Variants in DHTKD1 observed in about 807,000 individuals in gnomAD.
DHTKD1 encodes 2-oxoadipate dehydrogenase complex component E1.
DHTKD1 carries 78 observed loss-of-function variants against 101.8 expected under a neutral mutation model. The observed-to-expected ratio is 0.77, with a 90% CI of 0.64 to 0.93. DHTKD1 has a LOEUF of 0.93. Among genes scored for constraint, DHTKD1 ranks in the 40% least tolerant of loss-of-function variants. DHTKD1 has a pLI of 0.00. For synonymous variants in DHTKD1, 462 were observed against 450.3 expected, an observed-to-expected ratio of 1.03 and a Z score of -0.33; for missense variants, 1,223 against 1,161.7, an observed-to-expected ratio of 1.05 and a Z score of -0.77.
intron 11 of DHTKD1, among the ~76,000 whole-genome samples, chr10:12,106,921 C>G (rs961928017): frequency 4.6e-5 from 7 of 152,118 alleles, no homozygotes; most frequent in African/African-American, 1.7e-4. Flanking sequence ...GCCCACCACC[C>G]CCTGTTTCAA....
At chr10:12,100,297 T>TG in intron 9 of DHTKD1, 35 bp downstream of exon 9, 1 of 900,966 alleles carries the variant, frequency 1.1e-6, no homozygotes. Flanking sequence ...GTTTTTTTTT[T>TG]TTTTGAGTCT....
chr10:12,071,537 C>T (rs993438759), intron 1 of DHTKD1, among the ~76,000 whole-genome samples: 8 of 152,094 alleles, frequency 5.3e-5, no homozygotes, highest in Admixed American at 1.3e-4. Context: ...TTTGGGAGGC[C>T]GAGGTGGGCG....
intron 7 of DHTKD1, among the ~76,000 whole-genome samples, chr10:12,094,829 A>G (rs1306852867): frequency 6.7e-6 from 1 of 149,740 alleles, no homozygotes; most frequent in Non-Finnish European, 1.5e-5. Flanking sequence ...TAGTACAGAC[A>G]GGGGTTTCGC....
At chr10:12,117,777 T>C in intron 14 of DHTKD1, 22 bp downstream of exon 14, 1 of 1,406,486 alleles carries the variant, frequency 7.1e-7, no homozygotes, top group South Asian at 1.2e-5. Flanking sequence ...ATCTCTGTTT[T>C]CATATTCTGT....
intron 12 of DHTKD1, among the ~76,000 whole-genome samples, chr10:12,108,288 A>T (rs1049433163): frequency 7.3e-5 from 11 of 150,620 alleles, no homozygotes; most frequent in Non-Finnish European, 1.5e-4. Flanking sequence ...TTTTATTTTT[A>T]TTTTTTTTTG....
chr10:12,105,876 C>T (rs1750730738), intron 10 of DHTKD1, among the ~76,000 whole-genome samples: 2 of 152,090 alleles, frequency 1.3e-5, no homozygotes, highest in Admixed American at 1.3e-4. Flanking sequence ...GGGTGGATCA[C>T]CTGAGCTCAG....
chr10:12,106,507 G>A lies in DHTKD1; in HGVS notation c.2047+111G>A, dbSNP rs1340208221. The A allele has an allele frequency of 3.3e-5, 46 of 1,373,968 alleles. 1 individual carries two copies. Among genetic ancestry groups the A allele is most frequent in the Non-Finnish European group, 4.1e-5 (40 of 983,382 alleles). The allele number at this position is 1,373,968 out of a possible 1,614,324, so 85.1% of individuals were successfully genotyped here. A position where few individuals can be genotyped will look rare whatever the true frequency, so the allele number is the denominator to read the frequency against. On this transcript the variant is annotated intron_variant, in intron 11 of 16. Coordinates refer to ENST00000263035, the MANE Select transcript of DHTKD1 (RefSeq NM_018706.7). Reference sequence around the variant, plus strand: ...CTGCTGCCTTGAGACTCCCGTGTGCGGCGGCGCCTCCAGGGAGTTGGGGTC... The same window carrying A: ...CTGCTGCCTTGAGACTCCCGTGTGCAGCGGCGCCTCCAGGGAGTTGGGGTC...
chr10:12,069,627 A>G (rs58912448), intron 1 of DHTKD1, among the ~76,000 whole-genome samples: 1,304 of 117,448 alleles, frequency 0.011, 21 homozygotes, highest in African/African-American at 0.041. Flanking sequence ...GGCTCAGGCT[A>G]TCCTTCCACC....
At chr10:12,075,549 A>AT (rs1211397730) in intron 1 of DHTKD1, among the ~76,000 whole-genome samples, 1 of 134,992 alleles carries the variant, frequency 7.4e-6, no homozygotes, top group Non-Finnish European at 1.6e-5. Context: ...CAATTTTTGT[A>AT]TTTTTTGTAG....
chr10:12,093,958 C>T (rs1004814519), intron 6 of DHTKD1, 115 bp from the exon 7 acceptor site: 1 of 920,356 alleles, frequency 1.1e-6, no homozygotes, highest in South Asian at 1.6e-5. Flanking sequence ...GTTAACCAAA[C>T]CAATATCTAC....
At chr10:12,098,259 G>A (rs2062984) in intron 8 of DHTKD1, among the ~76,000 whole-genome samples, 112,239 of 152,070 alleles carry the variant, frequency 0.74, 42,058 homozygotes, top group South Asian at 0.88. Flanking sequence ...CACACTATAA[G>A]AAATACAGAG....
intron 7 of DHTKD1, among the ~76,000 whole-genome samples, chr10:12,097,284 G>T (rs1701485): frequency 0.97 from 148,016 of 152,144 alleles, 72,139 homozygotes; most frequent in Middle Eastern, 1. Flanking sequence ...TATTTATTTG[G>T]TTTTTGAGAC....
intron 10 of DHTKD1, among the ~76,000 whole-genome samples, chr10:12,104,602 T>A (rs944599048): frequency 2.6e-5 from 4 of 152,078 alleles, no homozygotes; most frequent in Non-Finnish European, 4.4e-5. Context: ...TCATCTTTAT[T>A]TTTTCTTTTG....
Position 12,106,348 on chromosome 10 carries a change from G to A in DHTKD1, c.1999G>A (p.Asp667Asn), listed in dbSNP as rs371485560. The A allele has an allele frequency of 2.5e-5, 41 of 1,614,068 alleles. No individual in the cohort carries two copies. Among genetic ancestry groups the A allele is most frequent in the South Asian group, 3.3e-5 (3 of 91,088 alleles). The part of the protein sequence containing the change: ...LLPLWEAQFG[D>N]FFNGAQIIFD... Reference sequence around the variant, plus strand: ...GCCCCTGTGGGAGGCACAGTTTGGCGATTTCTTCAATGGTGCCCAGATCAT... The same window carrying A: ...GCCCCTGTGGGAGGCACAGTTTGGCAATTTCTTCAATGGTGCCCAGATCAT... Residue 667 changes from aspartate to asparagine, a missense_variant, in exon 11 of 17, where the codon GAT (aspartate) becomes AAT (asparagine). Asp to Asn is a conservative substitution (Grantham distance 23). Transcript: ENST00000263035.
intron 5 of DHTKD1, 140 bp downstream of exon 5, chr10:12,089,395 A>G: frequency 1.1e-6 from 1 of 874,336 alleles, no homozygotes; most frequent in Non-Finnish European, 1.7e-6. Context: ...GGATTGTTTT[A>G]AAAACTAACA....
At chr10:12,081,169 G>A (rs565193581) in intron 1 of DHTKD1, among the ~76,000 whole-genome samples, 8 of 151,536 alleles carry the variant, frequency 5.3e-5, no homozygotes, top group African/African-American at 1.9e-4. Context: ...GGCTACTTGG[G>A]AGGCTGAGGC....
chr10:12,076,865 C>G (rs1832739504), intron 1 of DHTKD1, among the ~76,000 whole-genome samples: 1 of 150,402 alleles, frequency 6.6e-6, no homozygotes, highest in African/African-American at 2.4e-5. Flanking sequence ...ACCGTGTTAG[C>G]CAAGATAGTC....
intron 1 of DHTKD1, among the ~76,000 whole-genome samples, chr10:12,072,988 G>A (rs1019172320): frequency 2.0e-5 from 3 of 151,648 alleles, no homozygotes; most frequent in African/African-American, 4.8e-5. Flanking sequence ...CACCCACCTC[G>A]GCCTCCCAAA....
intron 5 of DHTKD1, among the ~76,000 whole-genome samples, 176 bp from the exon 6 acceptor site, chr10:12,091,337 G>A (rs1001182314): frequency 4.8e-5 from 7 of 146,228 alleles, no homozygotes; most frequent in East Asian, 2.0e-4. Flanking sequence ...ACTTGAACCC[G>A]GGAGGCAGAG....
Sources: gnomAD v4.1 joint callset for allele counts (sites outside exome capture counted in the v4.1 genomes callset) on GRCh38, gnomAD v4.1.1 for gene constraint, MANE v1.5 for transcripts, NCBI Gene and HGNC (gene_info 2026-07-23, HGNC 2026-07-21) for gene names.